Variants in MSI2 observed in about 807,000 individuals in gnomAD.
MSI2 encodes RNA-binding protein Musashi homolog 2.
MSI2 carries 17 observed loss-of-function variants against 45.6 expected under a neutral mutation model. The ratio of observed to expected loss-of-function variants is 0.37; its 90% CI spans 0.26 to 0.56. MSI2 has a LOEUF of 0.56. Among genes scored for constraint, MSI2 ranks in the 20% least tolerant of loss-of-function variants. The pLI is 0.77. For missense variants in MSI2, 293 were observed against 444.2 expected (o/e 0.66, Z 3.06); for synonymous variants, 156 against 158.2 (o/e 0.99, Z 0.11).
At chr17:57,326,872 C>T (rs1913839130) in intron 5 of MSI2, among the ~76,000 whole-genome samples, 1 of 152,180 alleles carries the variant, frequency 6.6e-6, no homozygotes, top group African/African-American at 2.4e-5. Flanking sequence ...ATTGGAAGGA[C>T]TATACCTTGT....
At chr17:57,636,416 G>A (rs1177071186) in intron 10 of MSI2, among the ~76,000 whole-genome samples, 4 of 152,102 alleles carry the variant, frequency 2.6e-5, no homozygotes, top group Non-Finnish European at 4.4e-5. Context: ...CTGGGCCACC[G>A]GGGGGAGCAA....
chr17:57,693,786 C>A, the MSI2 span, among the ~76,000 whole-genome samples: 2 of 152,166 alleles, frequency 1.3e-5, no homozygotes, highest in Admixed American at 6.5e-5. Context: ...TGATTGAAAG[C>A]AAAACATCTT....
chr17:57,696,652 T>C, the MSI2 span, among the ~76,000 whole-genome samples: 5 of 152,240 alleles, frequency 3.3e-5, no homozygotes, highest in Admixed American at 3.3e-4. Context: ...AGAGGATCAC[T>C]TGAGCCCAGG....
At position 57,552,065 on chromosome 17, in the gene MSI2, C is replaced by T. The variant is rs979717590; in HGVS notation, c.454+22341C>T. Among the ~76,000 whole-genome samples, 3 of 152,178 alleles carry T rather than the reference C, an allele frequency of 2.0e-5. No homozygotes were observed. The highest frequency in any genetic ancestry group is 4.4e-5 in the Non-Finnish European group (3 of 68,022). ...AGAATGTGCTGGACCTAGAGCCCCT[C>T]GTCCTGGGGCTCAAGGACCCAGCTC... On this transcript the variant is annotated intron_variant, in intron 7 of 13. Transcript: ENST00000284073. The surrounding 1 kb of genome is among the most constrained non-coding windows in gnomAD (Gnocchi z 4.3).
chr17:57,298,003 G>A (rs1033156643), intron 5 of MSI2, among the ~76,000 whole-genome samples: 4 of 151,732 alleles, frequency 2.6e-5, no homozygotes, highest in Non-Finnish European at 2.9e-5. Context: ...ATGCATGAGG[G>A]TTGGAATAAA....
intron 6 of MSI2, among the ~76,000 whole-genome samples, chr17:57,445,688 A>G (rs189991133): frequency 6.6e-6 from 1 of 152,284 alleles, no homozygotes; most frequent in East Asian, 1.9e-4. Flanking sequence ...CAGTGTTTAT[A>G]AGCCGTTTAA....
intron 1 of MSI2, 56 bp downstream of exon 1, chr17:57,256,860 G>GC: frequency 2.3e-6 from 3 of 1,318,842 alleles, no homozygotes; most frequent in Non-Finnish European, 2.0e-6. Flanking sequence ...CCTTGCAGCG[G>GC]CGGGGACGGC....
chr17:57,374,694 G>C (rs560220857), intron 5 of MSI2, among the ~76,000 whole-genome samples: 1 of 152,278 alleles, frequency 6.6e-6, no homozygotes, highest in Non-Finnish European at 1.5e-5. Flanking sequence ...CAGGAGAATT[G>C]CTTGAACCCA....
intron 5 of MSI2, among the ~76,000 whole-genome samples, chr17:57,398,148 AT>A (rs2083923671): frequency 6.6e-6 from 1 of 152,146 alleles, no homozygotes; most frequent in African/African-American, 2.4e-5. Flanking sequence ...TTCACCAGTT[AT>A]TGGGGAATGA....
Position 57,445,802 on chromosome 17 carries a change from C to T in MSI2, c.405+44331C>T, listed in dbSNP as rs555776427. Among the ~76,000 whole-genome samples the T allele has an allele frequency of 6.6e-5, 10 of 152,128 alleles. No individual in the cohort carries two copies. In the East Asian group the frequency reaches 7.7e-4, roughly 12 times the overall value. Reference sequence around the variant, plus strand: ...TCTCCCCGAATTCCAAAGTGTGCCCCGTTCTATGTGCTTCCTGGGCTTCCT... The same window carrying T: ...TCTCCCCGAATTCCAAAGTGTGCCCTGTTCTATGTGCTTCCTGGGCTTCCT... On this transcript the variant is annotated intron_variant, in intron 6 of 13. Transcript: ENST00000284073.
intron 11 of MSI2, among the ~76,000 whole-genome samples, chr17:57,663,497 G>A (rs1367160052): frequency 6.6e-6 from 1 of 152,150 alleles, no homozygotes; most frequent in Non-Finnish European, 1.5e-5. Flanking sequence ...TCCTGGAGAG[G>A]GTGGGCTTCT....
intron 7 of MSI2, among the ~76,000 whole-genome samples, chr17:57,536,314 T>C (rs1475456664): frequency 1.3e-5 from 2 of 152,168 alleles, no homozygotes; most frequent in African/African-American, 4.8e-5. Flanking sequence ...ATAAGTGTAT[T>C]TGACAAAAAC....
At chr17:57,638,214 T>G (rs1414695991) in intron 10 of MSI2, among the ~76,000 whole-genome samples, 3 of 152,068 alleles carry the variant, frequency 2.0e-5, no homozygotes, top group African/African-American at 7.2e-5. Context: ...CTGAAAGGAA[T>G]CCTGCACAGA....
chr17:57,481,460 A>G (rs532661279), intron 6 of MSI2, among the ~76,000 whole-genome samples: 365 of 152,330 alleles, frequency 2.4e-3, no homozygotes, highest in Non-Finnish European at 4.1e-3. Flanking sequence ...AGCCTTTAAA[A>G]TACCACAATT....
chr17:57,366,233 T>A (rs531775661), intron 5 of MSI2, among the ~76,000 whole-genome samples: 1 of 152,282 alleles, frequency 6.6e-6, no homozygotes, highest in Non-Finnish European at 1.5e-5. Flanking sequence ...TTATCCCAAC[T>A]TTTCAGTTGG....
At chr17:57,302,379 G>C (rs539242331) in intron 5 of MSI2, among the ~76,000 whole-genome samples, 3 of 152,272 alleles carry the variant, frequency 2.0e-5, no homozygotes, top group East Asian at 1.9e-4. Context: ...TGAGTAGCTG[G>C]GATAACAGGT....
At chr17:57,613,945 TC>T (rs1907420033) in intron 8 of MSI2, among the ~76,000 whole-genome samples, 1 of 152,228 alleles carries the variant, frequency 6.6e-6, no homozygotes, top group Non-Finnish European at 1.5e-5. Flanking sequence ...AATTATAGCA[TC>T]CCCCTAACCT....
At chr17:57,303,302 GT>G (rs1348826322) in intron 5 of MSI2, among the ~76,000 whole-genome samples, 1 of 152,194 alleles carries the variant, frequency 6.6e-6, no homozygotes, top group Non-Finnish European at 1.5e-5. Flanking sequence ...AAAAAGTTAT[GT>G]TACGAAAGAA....
At chr17:57,568,729 T>C (rs925572256) in intron 7 of MSI2, among the ~76,000 whole-genome samples, 1 of 152,252 alleles carries the variant, frequency 6.6e-6, no homozygotes, top group Non-Finnish European at 1.5e-5. Flanking sequence ...CATTCCTTCA[T>C]GTTAAAATTG....
Sources: gnomAD v4.1 joint callset for allele counts (sites outside exome capture counted in the v4.1 genomes callset) on GRCh38, gnomAD v4.1.1 for gene constraint, Gnocchi (gnomAD v3.1) non-coding constraint, MANE v1.5 for transcripts, NCBI Gene and HGNC (gene_info 2026-07-23, HGNC 2026-07-21) for gene names.